SEMA4F: variants seen among roughly 807,000 people sequenced by gnomAD.
SEMA4F encodes semaphorin-4F.
A neutral mutation model predicts 78.4 loss-of-function variants in SEMA4F; 51 were observed. The observed-to-expected ratio is 0.65, with a 90% confidence interval of 0.52 to 0.82. The LOEUF (loss-of-function observed/expected upper bound fraction) is 0.82, where lower values mean the gene tolerates loss of function less well. Among genes scored for constraint, SEMA4F ranks in the 40% least tolerant of loss-of-function variants. The pLI, the probability that SEMA4F is intolerant of heterozygous loss-of-function variation, is 0.00. For synonymous variants in SEMA4F, 418 were observed against 408.7 expected, an observed-to-expected ratio of 1.02 and a Z score of -0.27; for missense variants, 938 against 1,014.4, an observed-to-expected ratio of 0.92 and a Z score of 1.02.
rs1453865613 is a variant in SEMA4F at position 74,675,021 on chromosome 2, CCCAGA to C, written c.1138_1142del (p.Arg380TrpfsTer21). 1.9e-6 allele frequency: 3 copies of C among 1,613,994 alleles called. No homozygotes were observed. In the South Asian group the frequency reaches 3.3e-5, roughly 18 times the overall value. On this transcript the variant is annotated frameshift_variant, in exon 9 of 14. Transcript: ENST00000357877. LOFTEE classifies it high-confidence loss of function. ...TGTCGTGGACAATGATGTGCCCCAG[CCCAGA>C]CCTGGAGAGGTGAGGGGGCAGATCT...
chr2:74,697,055 G>A, the SEMA4F span, among the ~76,000 whole-genome samples: 4 of 152,184 alleles, frequency 2.6e-5, no homozygotes, highest in Non-Finnish European at 5.9e-5. Context: ...TACTTTTGAC[G>A]AATATTACCA....
intron 5 of SEMA4F, 92 bp from the exon 6 acceptor site, chr2:74,673,365 G>T (rs959913280): frequency 2.0e-6 from 3 of 1,503,008 alleles, no homozygotes; most frequent in African/African-American, 1.4e-5. Context: ...CCTGAGAGTC[G>T]CTGCCCTGCT....
At chr2:74,702,725 G>A in the SEMA4F span, among the ~76,000 whole-genome samples, 3 of 152,116 alleles carry the variant, frequency 2.0e-5, no homozygotes, top group African/African-American at 4.8e-5. Flanking sequence ...CCTAGGGGAG[G>A]GGGTGTTGAT....
chr2:74,677,955 A>G (rs1685383907), intron 12 of SEMA4F, among the ~76,000 whole-genome samples: 1 of 152,246 alleles, frequency 6.6e-6, no homozygotes, highest in Non-Finnish European at 1.5e-5. Context: ...GATATTTGTC[A>G]TGAATTATAA....
At chr2:74,705,659 G>C in the SEMA4F span, among the ~76,000 whole-genome samples, 1 of 152,226 alleles carries the variant, frequency 6.6e-6, no homozygotes, top group Non-Finnish European at 1.5e-5. Context: ...TGACTCATGG[G>C]ATCTGGTGAT....
At chr2:74,705,737 A>T in the SEMA4F span, among the ~76,000 whole-genome samples, 1 of 151,582 alleles carries the variant, frequency 6.6e-6, no homozygotes, top group Non-Finnish European at 1.5e-5. Flanking sequence ...CTAATTTTTA[A>T]TTTTTTTTGT....
intron 4 of SEMA4F, among the ~76,000 whole-genome samples, chr2:74,659,390 T>C (rs1436514044): frequency 6.6e-6 from 1 of 152,198 alleles, no homozygotes; most frequent in African/African-American, 2.4e-5. Context: ...TAGTGGTTGT[T>C]ACATAAGGTA....
chr2:74,698,300 G>C, the SEMA4F span, among the ~76,000 whole-genome samples: 1 of 152,184 alleles, frequency 6.6e-6, no homozygotes, highest in East Asian at 1.9e-4. Flanking sequence ...TTTTAAATGG[G>C]GAGAAAGGAA....
chr2:74,674,482 G>A lies in SEMA4F; in HGVS notation c.823-16G>A, dbSNP rs745802108. 27 of 1,601,960 alleles carry A rather than the reference G, an allele frequency of 1.7e-5. No homozygotes were observed. Among genetic ancestry groups the A allele is most frequent in the South Asian group, 3.3e-5 (3 of 89,560 alleles). ...TGATCATCTAAAGAGAACCTCCCAT[G>A]TGTTTGTCACCCCAGGGGGACCTCG... On this transcript the variant is annotated splice_polypyrimidine_tract_variant and intron_variant, in intron 7 of 13. Transcript: ENST00000357877.
At chr2:74,674,207 G>A (rs1243223126) in intron 7 of SEMA4F, among the ~76,000 whole-genome samples, 1 of 152,196 alleles carries the variant, frequency 6.6e-6, no homozygotes, top group Non-Finnish European at 1.5e-5. Context: ...ATGCCTGTCT[G>A]TGAGGGCTGT....
chr2:74,679,206 C>A (rs1172390015), intron 12 of SEMA4F, 70 bp from the exon 13 acceptor site: 18 of 1,138,914 alleles, frequency 1.6e-5, no homozygotes, highest in Non-Finnish European at 2.1e-5. Context: ...ATGAGGGAGT[C>A]TTCAGTAATA....
the SEMA4F span, among the ~76,000 whole-genome samples, chr2:74,689,902 A>G: frequency 0.012 from 1,813 of 152,310 alleles, 30 homozygotes; most frequent in African/African-American, 0.041. Flanking sequence ...AGACCACAAA[A>G]TGACCGAGCA....
chr2:74,673,431 C>A (rs1232551312), intron 5 of SEMA4F, 26 bp from the exon 6 acceptor site: 2 of 1,612,806 alleles, frequency 1.2e-6, no homozygotes, highest in South Asian at 1.1e-5. Flanking sequence ...TCCCTGATAG[C>A]CCATCTCCTC....
intron 5 of SEMA4F, among the ~76,000 whole-genome samples, chr2:74,672,559 T>C (rs1482933113): frequency 6.6e-6 from 1 of 152,170 alleles, no homozygotes; most frequent in African/African-American, 2.4e-5. Flanking sequence ...AGGGTGTTCA[T>C]GACTTGGTAC....
Position 74,658,010 on chromosome 2 carries a change from G to C in SEMA4F, c.456+59G>C. ...GCCTGCACCAGTGTGAGTTACTTGG[G>C]GTGGTGGTGGGAGGATGGGAAGGGT... On this transcript the variant is annotated intron_variant, in intron 4 of 13. Transcript: ENST00000357877. This position sits in a 1 kb window ranked among gnomAD's most constrained non-coding sequence, Gnocchi z 4.3. 6.7e-7 allele frequency: 1 copy of C among 1,484,112 alleles called. No individual in the cohort carries two copies. The highest frequency in any genetic ancestry group is 9.4e-7 in the Non-Finnish European group (1 of 1,063,326). 91.9% of individuals were successfully genotyped at this position (1,484,112 alleles called of 1,614,324 possible).
chr2:74,684,358 G>A (rs1288712599), downstream of SEMA4F, among the ~76,000 whole-genome samples: 2 of 151,948 alleles, frequency 1.3e-5, no homozygotes, highest in Non-Finnish European at 2.9e-5. Context: ...GCTTTGCTAT[G>A]ATGCGATAAC....
the SEMA4F span, among the ~76,000 whole-genome samples, chr2:74,696,845 T>G: frequency 6.6e-6 from 1 of 152,272 alleles, no homozygotes; most frequent in East Asian, 1.9e-4. Flanking sequence ...GTCCTTGTTC[T>G]GTTTTAAATT....
Position 74,663,895 on chromosome 2 carries a change from T to G in SEMA4F, c.550+1070T>G, listed in dbSNP as rs116582499. Among the ~76,000 whole-genome samples, 697 of 152,374 alleles carry G rather than the reference T, an allele frequency of 4.6e-3. 6 individuals carry two copies. Among genetic ancestry groups the G allele is most frequent in the African/African-American group, 0.016 (669 of 41,588 alleles). On this transcript the variant is annotated intron_variant, in intron 5 of 13. Coordinates refer to ENST00000357877, the MANE Select transcript of SEMA4F (RefSeq NM_004263.5). The stretch of plus-strand genomic sequence containing the variant: ...GTGTGTGCACACCCATGTACATTCA[T>G]GCACATACATTTGCTGCCAGTCCTT...
chr2:74,695,318 T>G, the SEMA4F span, among the ~76,000 whole-genome samples: 6 of 152,192 alleles, frequency 3.9e-5, no homozygotes, highest in African/African-American at 1.4e-4. Flanking sequence ...AGGCTCTGTC[T>G]CCATGCTTCT....
Sources: allele counts gnomAD v4.1 joint callset (sites outside exome capture counted in the v4.1 genomes callset), GRCh38; gene constraint gnomAD v4.1.1; non-coding constraint Gnocchi (gnomAD v3.1); transcripts MANE v1.5; gene names NCBI Gene and HGNC (gene_info 2026-07-23, HGNC 2026-07-21).